PTPRC: variants seen among roughly 807,000 people sequenced by gnomAD.
PTPRC encodes receptor-type tyrosine-protein phosphatase C.
A neutral mutation model predicts 155.9 loss-of-function variants in PTPRC; 44 were observed. The observed-to-expected ratio is 0.28, with a 90% CI of 0.22 to 0.36. The LOEUF (loss-of-function observed/expected upper bound fraction) is 0.36. Ranked by LOEUF, PTPRC falls within the 10% of genes least tolerant of loss-of-function variation. The probability of loss-of-function intolerance (pLI) is 1.00; values close to 1 mark genes in which losing one functional copy is unlikely to be tolerated. For missense variants in PTPRC, 1,401 were observed against 1,564.6 expected (o/e 0.90, Z 1.76); for synonymous variants, 525 against 533.1 (o/e 0.98, Z 0.21).
At chr1:198,639,718 T>C (rs1662466956) in intron 2 of PTPRC, among the ~76,000 whole-genome samples, 1 of 152,068 alleles carries the variant, frequency 6.6e-6, no homozygotes, top group Non-Finnish European at 1.5e-5. Context: ...TTTATTCTTT[T>C]AACAAATTTG....
Position 198,739,410 on chromosome 1 carries a change from A to G in PTPRC, c.2404-2459A>G, listed in dbSNP as rs73083334. ...TTATATTCTTTGTAAATGGAAACCTAAAAAGAGAAGGAGTACCTATACTTA... is the reference window on the plus strand; with the variant it reads ...TTATATTCTTTGTAAATGGAAACCTGAAAAGAGAAGGAGTACCTATACTTA... On this transcript the variant is annotated intron_variant, in intron 23 of 32. Coordinates refer to ENST00000442510, the MANE Select transcript of PTPRC (RefSeq NM_002838.5). Among the ~76,000 whole-genome samples, 1,240 of 151,766 alleles carry G rather than the reference A, an allele frequency of 8.2e-3. 19 individuals carry two copies. The highest frequency in any genetic ancestry group is 0.029 in the African/African-American group (1,184 of 41,354).
At chr1:198,733,764 A>T (rs535582156) in intron 20 of PTPRC, among the ~76,000 whole-genome samples, 78 of 151,766 alleles carry the variant, frequency 5.1e-4, no homozygotes, top group Non-Finnish European at 1.0e-3. Flanking sequence ...TGCGGGTAAA[A>T]TCTAAGAATG....
chr1:198,742,180 C>T lies in PTPRC; in HGVS notation c.2562-52C>T, dbSNP rs1654932294. ...TTAGATTCTTATATTGGCTTCACAC[C>T]TGACAGCTTTTCCATGATCATGCCT... is the stretch of plus-strand genomic sequence containing the variant. On this transcript the variant is annotated intron_variant, in intron 24 of 32. Transcript: ENST00000442510. 6 of 1,611,062 alleles carry T rather than the reference C, an allele frequency of 3.7e-6. No homozygotes were observed. The South Asian group carries it at 4.4e-5, about 12-fold the overall frequency.
Position 198,749,471 on chromosome 1 carries a change from G to A in PTPRC, c.2994G>A (p.Glu998=). 4.3e-6 allele frequency: 7 copies of A among 1,609,738 alleles called. No individual in the cohort carries two copies. Among genetic ancestry groups the A allele is most frequent in the Non-Finnish European group, 5.9e-6 (7 of 1,177,088 alleles). The change falls in exon 28 of 33, where the codon GAG becomes GAA. Residue 998 remains glutamate (E), a synonymous_variant. Coordinates refer to ENST00000442510, the MANE Select transcript of PTPRC (RefSeq NM_002838.5). The stretch of plus-strand genomic sequence containing the variant: ...AGCTGGAAATGAGTAAAGAGAGTGA[G>A]CATGATTCAGATGAATCCTCTGATG... ...KHELEMSKES[E]HDSDESSDDD...
chr1:198,713,199 C>A, intron 12 of PTPRC, 127 bp downstream of exon 12: 1 of 1,329,002 alleles, frequency 7.5e-7, no homozygotes, highest in Non-Finnish European at 1.0e-6. Context: ...TAGTATACTC[C>A]CTGATCTTAG....
intron 5 of PTPRC, among the ~76,000 whole-genome samples, chr1:198,702,015 A>T (rs948431499): frequency 6.6e-6 from 1 of 152,204 alleles, no homozygotes; most frequent in Non-Finnish European, 1.5e-5. Flanking sequence ...CTCTACCTCC[A>T]TCTACATGGT....
chr1:198,703,562 A>G (rs750173173), intron 7 of PTPRC, 190 bp downstream of exon 7: 1 of 817,724 alleles, frequency 1.2e-6, no homozygotes, highest in Non-Finnish European at 1.9e-6. Context: ...TGAGATCAGG[A>G]TGTAATTGTT....
intron 2 of PTPRC, among the ~76,000 whole-genome samples, chr1:198,659,569 T>C (rs982697897): frequency 7.9e-5 from 12 of 151,880 alleles, no homozygotes; most frequent in East Asian, 5.8e-4. Context: ...TTTTTTTTTT[T>C]CATTGCCCAG....
At chr1:198,750,369 A>G (rs757997511) in intron 28 of PTPRC, 123 bp from the exon 29 acceptor site, 1 of 1,003,234 alleles carries the variant, frequency 1.0e-6, no homozygotes, top group Admixed American at 1.8e-5. Flanking sequence ...AAACATAAGA[A>G]TATTACTATT....
rs182162134 is a variant in PTPRC at position 198,723,537 on chromosome 1, T to C, written c.1720+1061T>C. Among the ~76,000 whole-genome samples, 451 of 152,344 alleles carry C rather than the reference T, an allele frequency of 3.0e-3. 4 individuals carry two copies. The highest frequency in any genetic ancestry group is 1.0e-2 in the African/African-American group (414 of 41,592). On this transcript the variant is annotated intron_variant, in intron 15 of 32. Transcript: ENST00000442510. ...GTCCAGCAAGATAGCTTTGATTTTATTTCCACATTACCTTTTTCTTTTATA... is the reference window on the plus strand; with the variant it reads ...GTCCAGCAAGATAGCTTTGATTTTACTTCCACATTACCTTTTTCTTTTATA...
intron 2 of PTPRC, among the ~76,000 whole-genome samples, chr1:198,640,320 T>G (rs1444945229): frequency 6.6e-6 from 1 of 152,022 alleles, no homozygotes; most frequent in Non-Finnish European, 1.5e-5. Flanking sequence ...AAAAGTATTT[T>G]AAAACAACTT....
intron 5 of PTPRC, chr1:198,699,929 C>T: frequency 3.2e-6 from 2 of 628,088 alleles, no homozygotes; most frequent in Admixed American, 2.8e-5. Context: ...AAAATCTGCT[C>T]AGGAGGAAAG....
chr1:198,716,922 T>C (rs923697750), intron 13 of PTPRC, 82 bp downstream of exon 13: 5 of 1,327,950 alleles, frequency 3.8e-6, no homozygotes, highest in Non-Finnish European at 5.3e-6. Context: ...ATTTCTATCT[T>C]TATTCTAGCA....
upstream of PTPRC, chr1:198,638,842 A>G (rs1173182721): frequency 6.1e-6 from 1 of 164,162 alleles, no homozygotes; most frequent in Non-Finnish European, 1.3e-5. Flanking sequence ...ATGGTAATGG[A>G]TACTGTAAAG....
At chr1:198,676,987 T>C (rs1026164853) in intron 2 of PTPRC, among the ~76,000 whole-genome samples, 2 of 152,234 alleles carry the variant, frequency 1.3e-5, no homozygotes, top group African/African-American at 4.8e-5. Flanking sequence ...AGAGAATGGA[T>C]GGCTCAGTCC....
Position 198,744,044 on chromosome 1 carries a change from G to A in PTPRC, c.2698-10G>A. 6.3e-7 allele frequency: 1 copy of A among 1,593,560 alleles called. No homozygotes were observed. Among genetic ancestry groups the A allele is most frequent in the Non-Finnish European group, 8.6e-7 (1 of 1,162,370 alleles). ...CAGTTAACTATCTGTATTTGTTCTTGAAATTGTAGGCCCAGTACATCTTGA... is the reference window on the plus strand; with the variant it reads ...CAGTTAACTATCTGTATTTGTTCTTAAAATTGTAGGCCCAGTACATCTTGA... On this transcript the variant is annotated splice_polypyrimidine_tract_variant and intron_variant, in intron 25 of 32. Coordinates refer to ENST00000442510, the MANE Select transcript of PTPRC (RefSeq NM_002838.5).
Position 198,752,781 on chromosome 1 carries a change from G to C in PTPRC, c.3509+9G>C. On this transcript the variant is annotated intron_variant, in intron 31 of 32. Coordinates refer to ENST00000442510, the MANE Select transcript of PTPRC (RefSeq NM_002838.5). Reference sequence around the variant, plus strand: ...CTACTCATTCACTGCAGGTGCGTGGGATTTGGTAGAATGTGCTCTCAAAAT... The same window carrying C: ...CTACTCATTCACTGCAGGTGCGTGGCATTTGGTAGAATGTGCTCTCAAAAT... The C allele has an allele frequency of 6.2e-7, 1 of 1,611,104 alleles. No homozygotes were observed.
chr1:198,639,171 A>AT, intron 1 of PTPRC, 34 bp downstream of exon 1: 1 of 953,560 alleles, frequency 1.0e-6, no homozygotes. Context: ...TACATTTTTG[A>AT]TTCGTTTTTA....
intron 10 of PTPRC, 115 bp downstream of exon 10, chr1:198,708,376 C>T: frequency 9.9e-7 from 1 of 1,006,482 alleles, no homozygotes; most frequent in East Asian, 2.7e-5. Flanking sequence ...CTTGTTCTCC[C>T]TCTGTTTGTC....
Sources: allele counts gnomAD v4.1 joint callset (sites outside exome capture counted in the v4.1 genomes callset), GRCh38; gene constraint gnomAD v4.1.1; transcripts MANE v1.5; gene names NCBI Gene and HGNC (gene_info 2026-07-23, HGNC 2026-07-21).